Variants in UBE2E2 observed in about 807,000 individuals in gnomAD.
The protein encoded by UBE2E2 is ubiquitin conjugating enzyme E2 E2.
UBE2E2 carries 6 observed loss-of-function variants against 24.7 expected under a neutral mutation model. The observed-to-expected ratio is 0.24, with a 90% confidence interval of 0.13 to 0.48. The LOEUF (loss-of-function observed/expected upper bound fraction) is 0.48. Among genes scored for constraint, UBE2E2 ranks in the 20% least tolerant of loss-of-function variants. UBE2E2 has a pLI of 0.99. For missense variants in UBE2E2, 169 were observed against 245.0 expected (o/e 0.69, Z 2.07); for synonymous variants, 104 against 83.6 (o/e 1.24, Z -1.33).
rs1697142524 is a variant in UBE2E2, at chr3:23,237,462, A to G, written c.227+20150A>G. Among the ~76,000 whole-genome samples, 7 of 152,264 alleles carry G rather than the reference A, an allele frequency of 4.6e-5. No individual in the cohort carries two copies. In the South Asian group the frequency reaches 1.5e-3, roughly 32 times the overall value. ...GATTGCTTGGTTGTCAGTATCTCTT[A>G]ATAAAGATTTTCCCTTTCATCTGTT... On this transcript the variant is annotated intron_variant, in intron 3 of 5. Coordinates refer to ENST00000396703, the MANE Select transcript of UBE2E2 (RefSeq NM_152653.4).
chr3:23,470,325 C>G (rs978135787), intron 3 of UBE2E2, among the ~76,000 whole-genome samples: 1 of 152,158 alleles, frequency 6.6e-6, no homozygotes. Context: ...ATCCTCCCCC[C>G]AATCCGGGGT....
chr3:23,327,002 C>G (rs1300908249), intron 3 of UBE2E2, among the ~76,000 whole-genome samples: 1 of 152,210 alleles, frequency 6.6e-6, no homozygotes, highest in Non-Finnish European at 1.5e-5. Flanking sequence ...AGGACATGAA[C>G]TCATCCTTTT....
intron 3 of UBE2E2, among the ~76,000 whole-genome samples, chr3:23,254,227 A>C (rs1054590160): frequency 1.3e-5 from 2 of 152,200 alleles, no homozygotes; most frequent in Non-Finnish European, 2.9e-5. Flanking sequence ...GAAGAGACTC[A>C]TTTTTGCATC....
At chr3:23,561,212 GTT>G (rs1695921309) in intron 5 of UBE2E2, among the ~76,000 whole-genome samples, 1 of 151,624 alleles carries the variant, frequency 6.6e-6, no homozygotes, top group Non-Finnish European at 1.5e-5. Context: ...TAGGTCTAAC[GTT>G]TAAGTCTTTA....
At chr3:23,316,101 C>G (rs765600728) in intron 3 of UBE2E2, among the ~76,000 whole-genome samples, 2 of 152,136 alleles carry the variant, frequency 1.3e-5, no homozygotes, top group Non-Finnish European at 2.9e-5. Flanking sequence ...TGAGTCTTAT[C>G]CAGGGTCCCC....
At chr3:23,377,036 C>T (rs17345745) in intron 3 of UBE2E2, among the ~76,000 whole-genome samples, 15,367 of 152,170 alleles carry the variant, frequency 0.1, 914 homozygotes, top group East Asian at 0.13. Flanking sequence ...AGGATTCTTA[C>T]TAGTCTCAGG....
intron 3 of UBE2E2, among the ~76,000 whole-genome samples, chr3:23,232,216 T>G (rs1289078762): frequency 1.3e-5 from 2 of 152,232 alleles, no homozygotes; most frequent in African/African-American, 4.8e-5. Flanking sequence ...GCCATCAGTC[T>G]TGGCATACCA....
intron 3 of UBE2E2, among the ~76,000 whole-genome samples, chr3:23,225,528 G>A (rs886582625): frequency 1.3e-5 from 2 of 151,950 alleles, no homozygotes; most frequent in Non-Finnish European, 2.9e-5. Context: ...TAGACCCAGT[G>A]TCCCAGCACC....
chr3:23,276,407 A>G (rs1390567146), intron 3 of UBE2E2, among the ~76,000 whole-genome samples: 1 of 152,194 alleles, frequency 6.6e-6, no homozygotes, highest in South Asian at 2.1e-4. Flanking sequence ...ATTCTAATAT[A>G]TAAACTAAGG....
intron 3 of UBE2E2, among the ~76,000 whole-genome samples, chr3:23,481,720 A>G (rs1459306733): frequency 2.6e-5 from 4 of 152,252 alleles, no homozygotes. Flanking sequence ...ATGTTAGCAG[A>G]CACTGTAAGA....
chr3:23,257,024 C>T (rs114336711), intron 3 of UBE2E2, among the ~76,000 whole-genome samples: 146 of 152,348 alleles, frequency 9.6e-4, no homozygotes, highest in African/African-American at 3.3e-3. Flanking sequence ...CCAACATATT[C>T]ATTTCTCCCC....
At chr3:23,374,568 G>A (rs989107607) in intron 3 of UBE2E2, among the ~76,000 whole-genome samples, 10 of 152,086 alleles carry the variant, frequency 6.6e-5, no homozygotes, top group African/African-American at 1.7e-4. Flanking sequence ...TGCAGAACTC[G>A]TAATTTAATT....
intron 3 of UBE2E2, among the ~76,000 whole-genome samples, chr3:23,490,527 G>C (rs983798091): frequency 6.6e-6 from 1 of 152,062 alleles, no homozygotes; most frequent in Non-Finnish European, 1.5e-5. Flanking sequence ...AAGTCTGTTG[G>C]CATAGTTGTG....
intron 3 of UBE2E2, among the ~76,000 whole-genome samples, chr3:23,360,718 A>G (rs1392159773): frequency 1.3e-5 from 2 of 152,082 alleles, no homozygotes; most frequent in Non-Finnish European, 2.9e-5. Context: ...TTCCTCTGGG[A>G]TTTTACCCTG....
chr3:23,460,884 A>G (rs1698793268), intron 3 of UBE2E2, among the ~76,000 whole-genome samples: 1 of 152,246 alleles, frequency 6.6e-6, no homozygotes, highest in South Asian at 2.1e-4. Context: ...GTATGTTTAT[A>G]TGAACATAGC....
intron 3 of UBE2E2, among the ~76,000 whole-genome samples, chr3:23,331,945 A>AT (rs1458166132): frequency 1.3e-5 from 2 of 152,072 alleles, no homozygotes; most frequent in African/African-American, 2.4e-5. Flanking sequence ...TAATTTTAAA[A>AT]TTTTTTTTAA....
chr3:23,459,576 G>A (rs1252696806), intron 3 of UBE2E2, among the ~76,000 whole-genome samples: 1 of 152,114 alleles, frequency 6.6e-6, no homozygotes, highest in Non-Finnish European at 1.5e-5. Flanking sequence ...AAGAAACAAA[G>A]GCTGTTGAAC....
At chr3:23,222,843 C>T (rs544238727) in intron 3 of UBE2E2, among the ~76,000 whole-genome samples, 113 of 152,090 alleles carry the variant, frequency 7.4e-4, no homozygotes, top group African/African-American at 2.3e-3. Flanking sequence ...CAACAGTGTA[C>T]GAGCCTTCCC....
chr3:23,327,570 A>G (rs1004291979), intron 3 of UBE2E2, among the ~76,000 whole-genome samples: 1 of 152,200 alleles, frequency 6.6e-6, no homozygotes, highest in African/African-American at 2.4e-5. Flanking sequence ...CAGAAAGATT[A>G]TTTATTGTTC....
Sources: gnomAD v4.1 joint callset for allele counts (sites outside exome capture counted in the v4.1 genomes callset) on GRCh38, gnomAD v4.1.1 for gene constraint, MANE v1.5 for transcripts, NCBI Gene and HGNC (gene_info 2026-07-23, HGNC 2026-07-21) for gene names.